GABRG3: variants seen among roughly 807,000 people sequenced by gnomAD.
The protein encoded by GABRG3 is gamma-aminobutyric acid type A receptor subunit gamma3, also known as gamma-aminobutyric acid receptor subunit gamma-3.
In GABRG3, 25 loss-of-function variants were observed where a neutral mutation model predicts 48.8. That is an observed-to-expected ratio of 0.51 (90% CI 0.37 to 0.72). GABRG3 has a LOEUF of 0.72. GABRG3 is among the 30% of genes least tolerant of loss of function. The probability of loss-of-function intolerance (pLI) is 0.00; values close to 1 mark genes in which losing one functional copy is unlikely to be tolerated. For synonymous variants in GABRG3, 227 were observed against 217.6 expected, an observed-to-expected ratio of 1.04 and a Z score of -0.38; for missense variants, 394 against 577.9, an observed-to-expected ratio of 0.68 and a Z score of 3.26.
intron 5 of GABRG3, among the ~76,000 whole-genome samples, chr15:27,380,981 G>A (rs1028904037): frequency 2.6e-5 from 4 of 151,908 alleles, no homozygotes; most frequent in Non-Finnish European, 5.9e-5. Flanking sequence ...TAGCCAGGAC[G>A]GTCTCAATCT....
chr15:27,215,603 C>T (rs1889221123), intron 3 of GABRG3, among the ~76,000 whole-genome samples: 1 of 152,196 alleles, frequency 6.6e-6, no homozygotes, highest in Admixed American at 6.5e-5. Flanking sequence ...CACAGTTTTC[C>T]TCTTCTTAGC....
At chr15:27,173,284 A>G (rs1385109570) in intron 3 of GABRG3, among the ~76,000 whole-genome samples, 2 of 152,190 alleles carry the variant, frequency 1.3e-5, no homozygotes, top group African/African-American at 4.8e-5. Flanking sequence ...AGAGAAATGT[A>G]TGCAATTAGA....
rs191789059 is a variant in GABRG3, at chr15:27,184,567, G to A, written c.271-142242G>A. On this transcript the variant is annotated intron_variant, in intron 3 of 9. Transcript: ENST00000615808. ...GAGGAGGCAGAATTTTTACTTTAAA[G>A]GAAGCACCAAACACAAATAATGGAA... Among the ~76,000 whole-genome samples the A allele has an allele frequency of 7.9e-5, 12 of 152,244 alleles. No individual in the cohort carries two copies. The East Asian group carries it at 2.3e-3, about 29-fold the overall frequency.
At chr15:27,497,101 C>T (rs563394124) in intron 6 of GABRG3, among the ~76,000 whole-genome samples, 45 of 152,344 alleles carry the variant, frequency 3.0e-4, no homozygotes, top group African/African-American at 1.1e-3. Context: ...CAGATTTCCT[C>T]TCATCAGTAT....
intron 2 of GABRG3, among the ~76,000 whole-genome samples, chr15:26,982,995 TTGA>T (rs2140639757): frequency 6.6e-6 from 1 of 152,218 alleles, no homozygotes; most frequent in South Asian, 2.1e-4. Context: ...ACCCAGCAAC[TTGA>T]TGATATTCAA....
At chr15:27,197,163 T>C (rs796568011) in intron 3 of GABRG3, among the ~76,000 whole-genome samples, 3 of 152,318 alleles carry the variant, frequency 2.0e-5, no homozygotes, top group African/African-American at 7.2e-5. Flanking sequence ...TTGATTGGTG[T>C]ACTAAATGCG....
rs192986626 is a variant in GABRG3 at position 27,339,694 on chromosome 15, C to T, written c.574+10806C>T. ...CAGAGGGCAAACCACTGTACAGGTACACAGGATTGCGCTGGTTCCTTTTGC... is the reference window on the plus strand; with the variant it reads ...CAGAGGGCAAACCACTGTACAGGTATACAGGATTGCGCTGGTTCCTTTTGC... On this transcript the variant is annotated intron_variant, in intron 5 of 9. Transcript: ENST00000615808. Among the ~76,000 whole-genome samples the T allele has an allele frequency of 1.4e-4, 21 of 152,316 alleles. No individual in the cohort carries two copies. The East Asian group carries it at 4.1e-3, about 29-fold the overall frequency.
intron 5 of GABRG3, among the ~76,000 whole-genome samples, chr15:27,379,622 A>G (rs1419706206): frequency 1.3e-5 from 2 of 152,148 alleles, no homozygotes; most frequent in Non-Finnish European, 2.9e-5. Context: ...TTGCCAACAA[A>G]TGTTCTTAAT....
At chr15:27,229,309 C>A (rs184866046) in intron 3 of GABRG3, among the ~76,000 whole-genome samples, 4 of 152,160 alleles carry the variant, frequency 2.6e-5, no homozygotes, top group African/African-American at 9.6e-5. Flanking sequence ...TCAGTTATAT[C>A]CCAGTTATAT....
At chr15:27,416,252 G>C (rs1482535130) in intron 5 of GABRG3, among the ~76,000 whole-genome samples, 1 of 152,144 alleles carries the variant, frequency 6.6e-6, no homozygotes. Context: ...TAAGGTGTGG[G>C]TGGGGAAACT....
chr15:27,429,729 T>G (rs996167189), intron 5 of GABRG3, among the ~76,000 whole-genome samples: 4 of 152,216 alleles, frequency 2.6e-5, no homozygotes, highest in Non-Finnish European at 5.9e-5. Context: ...GTCTACCTCA[T>G]AGCTTATATT....
intron 3 of GABRG3, among the ~76,000 whole-genome samples, chr15:27,151,278 C>G (rs377376402): frequency 2.6e-5 from 4 of 152,074 alleles, no homozygotes; most frequent in African/African-American, 9.7e-5. Context: ...AACGACTAAT[C>G]TGTCCTCCAT....
At position 27,439,239 on chromosome 15, in the gene GABRG3, C is replaced by T. The variant is rs200311361; in HGVS notation, c.575-41411C>T. Among the ~76,000 whole-genome samples the T allele has an allele frequency of 3.3e-5, 5 of 152,244 alleles. No individual in the cohort carries two copies. In the East Asian group the frequency reaches 5.8e-4, roughly 18 times the overall value. On this transcript the variant is annotated intron_variant, in intron 5 of 9. Transcript: ENST00000615808. The stretch of plus-strand genomic sequence containing the variant: ...TCCCCCAAGTCAGGTCCCTGGGGTG[C>T]GACTTTCTTCTCAACAGCATGAGAG...
chr15:27,072,974 T>C (rs921694863), intron 3 of GABRG3, among the ~76,000 whole-genome samples: 1 of 152,122 alleles, frequency 6.6e-6, no homozygotes, highest in African/African-American at 2.4e-5. Context: ...GTAGGCCAAA[T>C]ACATTTACTA....
At chr15:26,986,499 G>T (rs1023765965) in intron 2 of GABRG3, among the ~76,000 whole-genome samples, 1 of 152,206 alleles carries the variant, frequency 6.6e-6, no homozygotes, top group Admixed American at 6.5e-5. Flanking sequence ...TTGGGCAGCT[G>T]ACCCTTCGCA....
At chr15:27,191,578 G>C (rs1212046444) in intron 3 of GABRG3, among the ~76,000 whole-genome samples, 3 of 152,114 alleles carry the variant, frequency 2.0e-5, no homozygotes, top group Non-Finnish European at 4.4e-5. Context: ...TTGCTTGGTA[G>C]ATCTTCCTCC....
intron 6 of GABRG3, among the ~76,000 whole-genome samples, chr15:27,492,158 T>G (rs976434474): frequency 7.2e-5 from 11 of 152,088 alleles, no homozygotes; most frequent in Admixed American, 4.6e-4. Context: ...TAGAACAAAG[T>G]CTCTTTTTAA....
intron 3 of GABRG3, among the ~76,000 whole-genome samples, chr15:27,268,382 C>T (rs1237301660): frequency 1.3e-5 from 2 of 152,148 alleles, no homozygotes; most frequent in African/African-American, 4.8e-5. Context: ...GTAATGTCAC[C>T]TCTTCTGGTT....
At chr15:27,503,273 A>G (rs976055715) in intron 6 of GABRG3, among the ~76,000 whole-genome samples, 1 of 152,178 alleles carries the variant, frequency 6.6e-6, no homozygotes, top group Non-Finnish European at 1.5e-5. Context: ...ATATTTCACA[A>G]TGTTATAGTA....
Sources: allele counts gnomAD v4.1 joint callset (sites outside exome capture counted in the v4.1 genomes callset), GRCh38; gene constraint gnomAD v4.1.1; transcripts MANE v1.5; gene names NCBI Gene and HGNC (gene_info 2026-07-23, HGNC 2026-07-21).